Variants in DTNB observed in about 807,000 individuals in gnomAD.
The protein encoded by DTNB is dystrobrevin beta.
DTNB carries 63 observed loss-of-function variants against 90.7 expected under a neutral mutation model. The ratio of observed to expected loss-of-function variants is 0.69; its 90% CI spans 0.57 to 0.86. The LOEUF (loss-of-function observed/expected upper bound fraction) is 0.86, where lower values mean the gene tolerates loss of function less well. Ranked by LOEUF, DTNB falls within the 40% of genes least tolerant of loss-of-function variation. DTNB has a pLI of 0.00. For synonymous variants in DTNB, 277 were observed against 286.7 expected, an observed-to-expected ratio of 0.97 and a Z score of 0.34; for missense variants, 744 against 807.1, an observed-to-expected ratio of 0.92 and a Z score of 0.95.
chr2:25,399,197 C>T (rs2043092316), intron 16 of DTNB, among the ~76,000 whole-genome samples: 1 of 151,920 alleles, frequency 6.6e-6, no homozygotes, highest in Admixed American at 6.6e-5. Flanking sequence ...TACAGGCGTG[C>T]ACCACCATGC....
intron 5 of DTNB, among the ~76,000 whole-genome samples, chr2:25,599,543 G>C: frequency 1.3e-5 from 2 of 151,750 alleles, no homozygotes; most frequent in Middle Eastern, 6.8e-3. Context: ...GGGTTTCACC[G>C]TGTTAGCCAG....
intron 12 of DTNB, among the ~76,000 whole-genome samples, chr2:25,445,973 G>A (rs976685869): frequency 5.2e-4 from 76 of 145,906 alleles, no homozygotes; most frequent in South Asian, 1.3e-3. Context: ...CAACAAGAAC[G>A]TTTTGAATAA....
At chr2:25,665,168 C>T (rs2084125368) in intron 1 of DTNB, among the ~76,000 whole-genome samples, 1 of 152,192 alleles carries the variant, frequency 6.6e-6, no homozygotes, top group African/African-American at 2.4e-5. Context: ...CTGTACATGC[C>T]TTTGTGTTAA....
rs766057900 is a variant in DTNB at position 25,432,928 on chromosome 2, G to A, written c.1415C>T (p.Ala472Val). ...TGCCAGCAGCGTGGGGTTCTGCTGT[G>A]CCTTCTCAGGGGTGGGCTGGGAGGC... is the stretch of plus-strand genomic sequence containing the variant. ...EQASQPTPEK[A>V]QQNPTLLAEL... Residue 472 changes from alanine (A) to valine (V), a missense_variant, in exon 14 of 21, where the codon GCA becomes GTA. Coordinates refer to ENST00000406818, the MANE Select transcript of DTNB (RefSeq NM_021907.5). 6 of 1,610,868 alleles carry A rather than the reference G, an allele frequency of 3.7e-6. No homozygotes were observed. Among genetic ancestry groups the A allele is most frequent in the South Asian group, 3.3e-5 (3 of 90,222 alleles).
intron 9 of DTNB, among the ~76,000 whole-genome samples, chr2:25,496,842 C>CAAAA (rs34608606): frequency 1.9e-5 from 2 of 106,206 alleles, no homozygotes; most frequent in Admixed American, 1.0e-4. Flanking sequence ...GACTCTGTTT[C>CAAAA]AAAAAAAAAA....
intron 4 of DTNB, among the ~76,000 whole-genome samples, chr2:25,615,336 C>A (rs2070002222): frequency 1.3e-5 from 2 of 152,132 alleles, no homozygotes; most frequent in South Asian, 4.2e-4. Context: ...CTAGGGGTGA[C>A]TGATTATATC....
chr2:25,524,737 T>C (rs1257166738), intron 9 of DTNB, among the ~76,000 whole-genome samples: 1 of 152,168 alleles, frequency 6.6e-6, no homozygotes, highest in Non-Finnish European at 1.5e-5. Context: ...CGTGTGAAGA[T>C]GGTGGAGCCA....
intron 9 of DTNB, among the ~76,000 whole-genome samples, chr2:25,526,391 ATATATT>A (rs1162247650): frequency 9.3e-5 from 6 of 64,592 alleles, no homozygotes; most frequent in South Asian, 1.1e-3. Context: ...ATATATATAT[ATATATT>A]TTTTTTTTTT....
chr2:25,545,956 G>C (rs2082327034), intron 8 of DTNB, among the ~76,000 whole-genome samples: 1 of 152,204 alleles, frequency 6.6e-6, no homozygotes, highest in Admixed American at 6.5e-5. Context: ...AACCCTGAAA[G>C]AGTCAATCCT....
intron 9 of DTNB, among the ~76,000 whole-genome samples, chr2:25,490,156 G>A (rs1172928919): frequency 6.6e-6 from 1 of 152,066 alleles, no homozygotes; most frequent in Non-Finnish European, 1.5e-5. Context: ...TATGCCTATG[G>A]TCTCAGCTAC....
At chr2:25,529,204 C>T (rs915745663) in intron 9 of DTNB, among the ~76,000 whole-genome samples, 4 of 152,234 alleles carry the variant, frequency 2.6e-5, no homozygotes, top group Middle Eastern at 3.4e-3. Flanking sequence ...CCAGCCTGTG[C>T]GTATTTGGAA....
At chr2:25,663,560 G>C (rs758368179) in intron 1 of DTNB, among the ~76,000 whole-genome samples, 2 of 152,112 alleles carry the variant, frequency 1.3e-5, no homozygotes, top group Non-Finnish European at 2.9e-5. Context: ...TAACATTTTA[G>C]ATCATCTACT....
intron 1 of DTNB, chr2:25,673,087 G>GC (rs2086466254): frequency 6.6e-6 from 1 of 152,028 alleles, no homozygotes; most frequent in Non-Finnish European, 1.5e-5. Flanking sequence ...CCGGCGCCGG[G>GC]CCCCCGCTCG....
chr2:25,513,333 T>G (rs1268217524), intron 9 of DTNB, among the ~76,000 whole-genome samples: 4 of 152,228 alleles, frequency 2.6e-5, no homozygotes, highest in Admixed American at 2.6e-4. Context: ...ATACTATGAA[T>G]GATTACTTTT....
chr2:25,664,659 C>T (rs985118924), intron 1 of DTNB, among the ~76,000 whole-genome samples: 3 of 152,172 alleles, frequency 2.0e-5, no homozygotes, highest in South Asian at 4.1e-4. Context: ...TTTTACATAC[C>T]TCCCACTTTG....
chr2:25,469,430 T>TATTC (rs762828529), intron 10 of DTNB, among the ~76,000 whole-genome samples: 31 of 152,142 alleles, frequency 2.0e-4, no homozygotes, highest in African/African-American at 3.9e-4. Context: ...TGCCCAAGCC[T>TATTC]ATTCATTCAT....
At chr2:25,578,279 A>T (rs1250362318) in intron 7 of DTNB, among the ~76,000 whole-genome samples, 1 of 152,250 alleles carries the variant, frequency 6.6e-6, no homozygotes, top group Non-Finnish European at 1.5e-5. Flanking sequence ...ATTACTTCTA[A>T]GAAATTCAGT....
chr2:25,434,399 CTT>C (rs1179596539), intron 12 of DTNB, among the ~76,000 whole-genome samples: 18 of 95,500 alleles, frequency 1.9e-4, no homozygotes, highest in African/African-American at 5.6e-4. Context: ...ATGAACTAGT[CTT>C]TTTTTTTTTT....
At chr2:25,471,488 C>T (rs1452080899) in intron 10 of DTNB, among the ~76,000 whole-genome samples, 2 of 151,902 alleles carry the variant, frequency 1.3e-5, no homozygotes, top group East Asian at 3.9e-4. Context: ...CTCCGTCTCC[C>T]AGGTTCAAGC....
Sources: gnomAD v4.1 joint callset for allele counts (sites outside exome capture counted in the v4.1 genomes callset) on GRCh38, gnomAD v4.1.1 for gene constraint, MANE v1.5 for transcripts, NCBI Gene and HGNC (gene_info 2026-07-23, HGNC 2026-07-21) for gene names.